Variants in PMFBP1 observed in about 807,000 individuals in gnomAD.
PMFBP1 encodes polyamine-modulated factor 1-binding protein 1.
In PMFBP1, 131 loss-of-function variants were observed where a neutral mutation model predicts 137.8. The observed-to-expected ratio is 0.95, with a 90% confidence interval of 0.82 to 1.10. The LOEUF (loss-of-function observed/expected upper bound fraction) is 1.10. Ranked by LOEUF, PMFBP1 falls within the 50% of genes least tolerant of loss-of-function variation. The probability of loss-of-function intolerance (pLI) is 0.00; values close to 1 mark genes in which losing one functional copy is unlikely to be tolerated. For missense variants in PMFBP1, 1,199 were observed against 1,175.4 expected (o/e 1.02, Z -0.29); for synonymous variants, 490 against 450.4 (o/e 1.09, Z -1.11).
chr16:72,197,645 G>T, the PMFBP1 span, among the ~76,000 whole-genome samples: 6 of 152,118 alleles, frequency 3.9e-5, no homozygotes, highest in Non-Finnish European at 7.4e-5. Context: ...GGAATCCCCA[G>T]GGACCCCAGA....
chr16:72,145,640 A>G (rs1488774690), intron 5 of PMFBP1, among the ~76,000 whole-genome samples: 1 of 152,202 alleles, frequency 6.6e-6, no homozygotes, highest in Non-Finnish European at 1.5e-5. Flanking sequence ...TAGCCAGACT[A>G]ATAAAGAAGA....
At chr16:72,180,862 C>A (rs2043273832), upstream of PMFBP1, among the ~76,000 whole-genome samples, 1 of 152,158 alleles carries the variant, frequency 6.6e-6, no homozygotes. Context: ...CAGGAGCCTT[C>A]AAAGGGAATG....
rs755079836 is a variant in PMFBP1, at chr16:72,119,947, C to G, written c.2911G>C (p.Glu971Gln). The change falls in exon 20 of 21, where the codon GAG (glutamate) becomes CAG (glutamine). Residue 971 changes from glutamate to glutamine, a missense_variant. Glu to Gln is a conservative substitution (Grantham distance 29, BLOSUM62 2). Coordinates refer to ENST00000237353, the MANE Select transcript of PMFBP1 (RefSeq NM_031293.3). ...GPSRTESTQR[E>Q]KVCGTLGWKG... ...CAGCCCAAGGTGCCGCACACTTTCT[C>G]CCTCTGTGTGGACTCCGTTCTGCTC... The G allele has an allele frequency of 3.7e-6, 6 of 1,614,234 alleles. No individual in the cohort carries two copies. Among genetic ancestry groups the G allele is most frequent in the Non-Finnish European group, 5.1e-6 (6 of 1,180,040 alleles).
upstream of PMFBP1, among the ~76,000 whole-genome samples, chr16:72,175,335 T>C (rs1471266422): frequency 6.6e-6 from 1 of 152,210 alleles, no homozygotes; most frequent in Non-Finnish European, 1.5e-5. Context: ...AAAAGGGGCA[T>C]AAGTGAACAA....
the PMFBP1 span, among the ~76,000 whole-genome samples, chr16:72,200,817 A>G: frequency 6.6e-6 from 1 of 152,198 alleles, no homozygotes; most frequent in Non-Finnish European, 1.5e-5. Flanking sequence ...ATTTGGATCT[A>G]GAAAGGTTGG....
chr16:72,143,383 T>C (rs968698186), intron 5 of PMFBP1, among the ~76,000 whole-genome samples: 3 of 152,192 alleles, frequency 2.0e-5, no homozygotes, highest in African/African-American at 4.8e-5. Context: ...GACAGTCAAG[T>C]GAAAATCTGG....
rs1158965390 is a variant in PMFBP1, at chr16:72,129,185, C to T, written c.1831G>A (p.Glu611Lys). The T allele has an allele frequency of 1.9e-6, 3 of 1,613,938 alleles. No homozygotes were observed. Among genetic ancestry groups the T allele is most frequent in the South Asian group, 2.2e-5 (2 of 91,088 alleles). The change falls in exon 13 of 21, where the codon GAG becomes AAG. Residue 611 changes from glutamate to lysine, a missense_variant. Glu to Lys is a moderately conservative substitution (Grantham distance 56). Transcript: ENST00000237353. The stretch of plus-strand genomic sequence containing the variant: ...TTGTCCTCCAGAAGCTTTGTGGCCT[C>T]CTGAAGATCTTCTTCTAACTTGCAT... ...IKCKLEEDLQ[E>K]ATKLLEDKRE...
chr16:72,162,298 C>G (rs892569864), intron 3 of PMFBP1, among the ~76,000 whole-genome samples: 39 of 152,228 alleles, frequency 2.6e-4, no homozygotes, highest in Non-Finnish European at 5.1e-4. Context: ...TCATTTGCTT[C>G]ACCCTATTTC....
the PMFBP1 span, among the ~76,000 whole-genome samples, chr16:72,238,073 G>A: frequency 1.3e-5 from 2 of 152,200 alleles, no homozygotes; most frequent in African/African-American, 2.4e-5. Context: ...TTGATGCCAT[G>A]TCTTTGCTAT....
chr16:72,121,832 C>T (rs927587994), intron 19 of PMFBP1, among the ~76,000 whole-genome samples: 3 of 152,152 alleles, frequency 2.0e-5, no homozygotes, highest in African/African-American at 7.2e-5. Flanking sequence ...GCCTTGCTGT[C>T]GTCCAGGCTA....
downstream of PMFBP1, among the ~76,000 whole-genome samples, chr16:72,118,594 A>T (rs1233032286): frequency 6.6e-6 from 1 of 152,216 alleles, no homozygotes; most frequent in African/African-American, 2.4e-5. Context: ...CTTCCTATAG[A>T]CTAGAAATAT....
At chr16:72,222,253 C>G in the PMFBP1 span, among the ~76,000 whole-genome samples, 19,066 of 152,050 alleles carry the variant, frequency 0.13, 1,258 homozygotes, top group African/African-American at 0.16. Context: ...GTTAAAGGCA[C>G]TCACCACCAT....
At chr16:72,230,114 G>A in the PMFBP1 span, among the ~76,000 whole-genome samples, 2 of 152,190 alleles carry the variant, frequency 1.3e-5, no homozygotes, top group South Asian at 2.1e-4. Context: ...GCCAACACAC[G>A]TAGAATCCTA....
chr16:72,122,472 G>C (rs903315238), intron 19 of PMFBP1, among the ~76,000 whole-genome samples: 1 of 152,154 alleles, frequency 6.6e-6, no homozygotes, highest in Non-Finnish European at 1.5e-5. Context: ...CAAGACCACA[G>C]GCCCCCAGAT....
At chr16:72,138,118 G>A (rs2042661484) in intron 7 of PMFBP1, among the ~76,000 whole-genome samples, 1 of 152,162 alleles carries the variant, frequency 6.6e-6, no homozygotes, top group Non-Finnish European at 1.5e-5. Context: ...GGAGTCTTAT[G>A]AGATTTTTGC....
chr16:72,219,783 G>A, the PMFBP1 span, among the ~76,000 whole-genome samples: 3 of 152,180 alleles, frequency 2.0e-5, no homozygotes, highest in African/African-American at 7.2e-5. Context: ...AAGCAGGGAA[G>A]TCAAAGGAGA....
In PMFBP1 at chr16:72,171,089, A is replaced by G. The variant is rs183714788; in HGVS notation, c.12+108T>C. 236 of 1,328,762 alleles carry G rather than the reference A, an allele frequency of 1.8e-4. 1 individual carries two copies. The East Asian group carries it at 5.2e-3, about 29-fold the overall frequency. The allele number at this position is 1,328,762 out of a possible 1,614,324, so 82.3% of individuals were successfully genotyped here. On this transcript the variant is annotated intron_variant, in intron 2 of 20. Transcript: ENST00000237353. ...GATGCTCTGCTGCCCACCTCTGTCCATGATATTTTGTGATGCTTATTACTG... is the reference window on the plus strand; with the variant it reads ...GATGCTCTGCTGCCCACCTCTGTCCGTGATATTTTGTGATGCTTATTACTG...
chr16:72,129,226 TC>T lies in PMFBP1; in HGVS notation c.1789del (p.Glu597SerfsTer9), dbSNP rs34703574. ...TAACTTGCATTTGATGGAGCCTTGCTCCCTGTGCTGAAAAAATAAAGACTGA... is the reference window on the plus strand; with the variant it reads ...TAACTTGCATTTGATGGAGCCTTGCTCCTGTGCTGAAAAAATAAAGACTGA... ...MLDRIKHQHREQGSIKCKLEE... is the reference protein window; with the variant it reads ...MLDRIKHQHRXQGSIKCKLEE... On this transcript the variant is annotated frameshift_variant, in exon 13 of 21. Transcript: ENST00000237353. LOFTEE classifies it high-confidence loss of function. 6.2e-7 allele frequency: 1 copy of T among 1,611,200 alleles called. No individual in the cohort carries two copies. The highest frequency in any genetic ancestry group is 8.5e-7 in the Non-Finnish European group (1 of 1,179,856).
At chr16:72,124,216 G>A (rs540453572) in intron 17 of PMFBP1, among the ~76,000 whole-genome samples, 1 of 152,308 alleles carries the variant, frequency 6.6e-6, no homozygotes, top group East Asian at 1.9e-4. Context: ...TTGCTATGTT[G>A]CCCAGGCTGG....
Sources: gnomAD v4.1 joint callset for allele counts (sites outside exome capture counted in the v4.1 genomes callset) on GRCh38, gnomAD v4.1.1 for gene constraint, MANE v1.5 for transcripts, NCBI Gene and HGNC (gene_info 2026-07-23, HGNC 2026-07-21) for gene names.